TMEM230: variants seen among roughly 807,000 people sequenced by gnomAD.
TMEM230 encodes transmembrane protein 230.
Under a neutral mutation model 15.8 loss-of-function variants are expected in TMEM230, and 10 were observed. That is an observed-to-expected ratio of 0.63 (90% CI 0.39 to 1.07). The LOEUF is 1.07. Among genes scored for constraint, TMEM230 ranks in the 50% least tolerant of loss-of-function variants. The probability of loss-of-function intolerance (pLI) is 0.01; values close to 1 mark genes in which losing one functional copy is unlikely to be tolerated. For synonymous variants in TMEM230, 67 were observed against 76.9 expected, an observed-to-expected ratio of 0.87 and a Z score of 0.68; for missense variants, 165 against 193.3, an observed-to-expected ratio of 0.85 and a Z score of 0.87.
intron 4 of TMEM230, among the ~76,000 whole-genome samples, chr20:5,105,050 C>T (rs1284155906): frequency 6.6e-6 from 1 of 152,192 alleles, no homozygotes; most frequent in African/African-American, 2.4e-5. Context: ...TTTAGGAGGC[C>T]CACGCGGGCA....
chr20:5,095,356 C>T (rs1024858659), downstream of TMEM230, among the ~76,000 whole-genome samples: 5 of 152,142 alleles, frequency 3.3e-5, no homozygotes, highest in Admixed American at 1.3e-4. Flanking sequence ...AATTACACAT[C>T]GTCCCCTTCC....
chr20:5,096,984 T>C (rs1160580548), downstream of TMEM230, among the ~76,000 whole-genome samples: 4 of 152,202 alleles, frequency 2.6e-5, no homozygotes, highest in African/African-American at 4.8e-5. Flanking sequence ...AGCTAAAACT[T>C]GTACTACCTT....
At chr20:5,077,871 C>CT (rs2089052585) in intron 3 of TMEM230, among the ~76,000 whole-genome samples, 1 of 151,804 alleles carries the variant, frequency 6.6e-6, no homozygotes, top group Non-Finnish European at 1.5e-5. Context: ...TTCCATCTTA[C>CT]TAGGGGAAAT....
intron 3 of TMEM230, among the ~76,000 whole-genome samples, chr20:5,075,158 C>T (rs577325460): frequency 6.6e-5 from 10 of 151,750 alleles, no homozygotes; most frequent in Non-Finnish European, 1.0e-4. Flanking sequence ...CTCTACCTCC[C>T]GGGTTCAAGT....
chr20:5,110,665 G>C (rs2090276270), intron 2 of TMEM230, among the ~76,000 whole-genome samples: 1 of 152,078 alleles, frequency 6.6e-6, no homozygotes, highest in African/African-American at 2.4e-5. Context: ...TGAAAGTAGT[G>C]ATTTCATTTT....
At chr20:5,061,978 T>C in the TMEM230 span, among the ~76,000 whole-genome samples, 1 of 152,026 alleles carries the variant, frequency 6.6e-6, no homozygotes, top group Non-Finnish European at 1.5e-5. Context: ...CCCAGCACTT[T>C]GAGAGGCCGA....
chr20:5,077,884 T>C (rs1340433664), intron 3 of TMEM230, among the ~76,000 whole-genome samples: 1 of 152,052 alleles, frequency 6.6e-6, no homozygotes, highest in Non-Finnish European at 1.5e-5. Context: ...GGGGAAATAC[T>C]TGTAAGTAAG....
chr20:5,065,646 G>T (rs1488362437), downstream of TMEM230, among the ~76,000 whole-genome samples: 1 of 152,180 alleles, frequency 6.6e-6, no homozygotes, highest in Non-Finnish European at 1.5e-5. Flanking sequence ...AGGTGTCCTG[G>T]ACGCATGTGG....
At chr20:5,085,900 A>C (rs184590800) in intron 3 of TMEM230, among the ~76,000 whole-genome samples, 52 of 152,230 alleles carry the variant, frequency 3.4e-4, no homozygotes, top group Non-Finnish European at 6.2e-4. Context: ...TAGCCATAAG[A>C]AAGCAGGTGG....
chr20:5,074,669 T>C (rs182418328), intron 3 of TMEM230, among the ~76,000 whole-genome samples: 4 of 151,890 alleles, frequency 2.6e-5, no homozygotes, highest in African/African-American at 2.4e-5. Flanking sequence ...CCGGGCATGG[T>C]GGTACATGCT....
Position 5,090,456 on chromosome 20 carries a change from G to A in TMEM230, c.222+15732C>T, listed in dbSNP as rs543324435. ...ACTACAGTCACTTCCTCCCCTCAGA[G>A]GGACAATGGGCAGGAAGAGGACAGG... On this transcript the variant is annotated intron_variant, in intron 3 of 3. Transcript: ENST00000612323. 3.5e-4 allele frequency among the ~76,000 whole-genome samples: 53 copies of A among 152,298 alleles called. 1 individual carries two copies. Among genetic ancestry groups the A allele is most frequent in the African/African-American group, 1.2e-3 (51 of 41,560 alleles).
At chr20:5,093,435 T>C (rs554429005) in intron 3 of TMEM230, among the ~76,000 whole-genome samples, 1 of 152,064 alleles carries the variant, frequency 6.6e-6, no homozygotes, top group Admixed American at 6.6e-5. Flanking sequence ...GAGATGGGGT[T>C]TTGCCATGTT....
At chr20:5,071,850 C>T (rs997038850) in intron 3 of TMEM230, among the ~76,000 whole-genome samples, 15 of 152,044 alleles carry the variant, frequency 9.9e-5, no homozygotes, top group Admixed American at 2.6e-4. Context: ...AAGTGATTCT[C>T]ATGCCTCAGC....
intron 3 of TMEM230, among the ~76,000 whole-genome samples, chr20:5,091,396 A>G (rs2089502815): frequency 1.3e-5 from 2 of 152,102 alleles, no homozygotes; most frequent in Non-Finnish European, 1.5e-5. Flanking sequence ...TTTTTAGTAG[A>G]GATGGGGTTT....
downstream of TMEM230, among the ~76,000 whole-genome samples, chr20:5,096,347 AG>A (rs1038130178): frequency 1.3e-5 from 2 of 152,194 alleles, no homozygotes; most frequent in Non-Finnish European, 2.9e-5. Flanking sequence ...CTTGTGAGGT[AG>A]GAATTGTTCT....
chr20:5,061,406 G>T, the TMEM230 span: 1 of 152,160 alleles, frequency 6.6e-6, no homozygotes, highest in Non-Finnish European at 1.5e-5. Flanking sequence ...GAGTCTGTGA[G>T]AAATGCAGAA....
chr20:5,066,913 C>G (rs2088663477), downstream of TMEM230, among the ~76,000 whole-genome samples: 1 of 151,978 alleles, frequency 6.6e-6, no homozygotes, highest in African/African-American at 2.4e-5. Flanking sequence ...TACATCCAAG[C>G]CCCTGTTTAA....
intron 3 of TMEM230, among the ~76,000 whole-genome samples, chr20:5,079,630 T>G (rs1040987906): frequency 5.3e-5 from 8 of 152,148 alleles, no homozygotes; most frequent in African/African-American, 1.9e-4. Context: ...TGCATGCCAC[T>G]GCACCCAGCT....
chr20:5,095,623 T>C (rs2089644463), downstream of TMEM230, among the ~76,000 whole-genome samples: 2 of 152,142 alleles, frequency 1.3e-5, no homozygotes, highest in Non-Finnish European at 1.5e-5. Context: ...TGGCACTGCC[T>C]GAGGAGGTCC....
Sources: allele counts gnomAD v4.1 joint callset (sites outside exome capture counted in the v4.1 genomes callset), GRCh38; gene constraint gnomAD v4.1.1; transcripts MANE v1.5; gene names NCBI Gene and HGNC (gene_info 2026-07-23, HGNC 2026-07-21).